Variants in GRM7 observed in about 807,000 individuals in gnomAD.
GRM7 encodes the protein glutamate metabotropic receptor 7.
In GRM7, 35 loss-of-function variants were observed where a neutral mutation model predicts 84.5. The ratio of observed to expected loss-of-function variants is 0.41; its 90% CI spans 0.32 to 0.55. GRM7 has a LOEUF of 0.55. GRM7 is among the 20% of genes least tolerant of loss of function. GRM7 has a pLI of 0.19. For missense variants in GRM7, 1,003 were observed against 1,194.6 expected (o/e 0.84, Z 2.36); for synonymous variants, 487 against 455.1 (o/e 1.07, Z -0.89).
At chr3:7,680,353 T>G (rs2125140916) in intron 9 of GRM7, 58 bp downstream of exon 9, 1 of 1,572,792 alleles carries the variant, frequency 6.4e-7, no homozygotes, top group East Asian at 2.2e-5. Flanking sequence ...CTCTAGAAGA[T>G]GTGGGGTGTG....
chr3:7,319,397 G>A (rs892180423), intron 4 of GRM7, among the ~76,000 whole-genome samples: 11 of 152,070 alleles, frequency 7.2e-5, no homozygotes, highest in Admixed American at 7.2e-4. Flanking sequence ...AGGACAAGCT[G>A]GAGAAAATGA....
At chr3:7,050,318 T>A (rs541721962) in intron 1 of GRM7, among the ~76,000 whole-genome samples, 3 of 151,882 alleles carry the variant, frequency 2.0e-5, no homozygotes, top group East Asian at 3.9e-4. Flanking sequence ...GACATCCAAC[T>A]GTTCAGTGTC....
chr3:7,076,110 AG>A (rs1276237073), intron 1 of GRM7, among the ~76,000 whole-genome samples: 1 of 152,164 alleles, frequency 6.6e-6, no homozygotes, highest in East Asian at 1.9e-4. Context: ...GGGCATGGGG[AG>A]AGTGCAAATA....
At chr3:7,281,598 A>ATT (rs56705200) in intron 2 of GRM7, among the ~76,000 whole-genome samples, 1 of 151,894 alleles carries the variant, frequency 6.6e-6, no homozygotes, top group Non-Finnish European at 1.5e-5. Context: ...AAGAAAGCAG[A>ATT]TTTTTTTTTA....
intron 2 of GRM7, among the ~76,000 whole-genome samples, chr3:7,251,073 G>C (rs1697967026): frequency 6.6e-6 from 1 of 152,162 alleles, no homozygotes; most frequent in African/African-American, 2.4e-5. Context: ...GACTTGGTTA[G>C]ATTGTGAAGT....
chr3:7,436,055 C>G (rs973291428), intron 5 of GRM7, among the ~76,000 whole-genome samples: 3 of 151,782 alleles, frequency 2.0e-5, no homozygotes, highest in Non-Finnish European at 2.9e-5. Context: ...CCATGTTGGC[C>G]AGGCTGGTCT....
intron 1 of GRM7, among the ~76,000 whole-genome samples, chr3:7,018,644 G>A (rs557670725): frequency 6.6e-6 from 1 of 152,304 alleles, no homozygotes; most frequent in South Asian, 2.1e-4. Flanking sequence ...AGCTGTTAAC[G>A]TGCACCTGAG....
intron 1 of GRM7, among the ~76,000 whole-genome samples, chr3:6,945,646 C>G (rs988455239): frequency 6.6e-6 from 1 of 152,106 alleles, no homozygotes; most frequent in African/African-American, 2.4e-5. Flanking sequence ...ACACCGACTT[C>G]CACAATGGTT....
chr3:7,145,112 A>G (rs2125065538), intron 1 of GRM7, among the ~76,000 whole-genome samples: 1 of 152,314 alleles, frequency 6.6e-6, no homozygotes, highest in African/African-American at 2.4e-5. Context: ...ATGGGTTAAT[A>G]GTGAGTAGAG....
intron 9 of GRM7, among the ~76,000 whole-genome samples, chr3:7,710,562 C>A (rs1701546749): frequency 6.6e-6 from 1 of 152,120 alleles, no homozygotes; most frequent in Non-Finnish European, 1.5e-5. Context: ...TGAGGCTCCA[C>A]TGAGTATTTC....
intron 1 of GRM7, among the ~76,000 whole-genome samples, chr3:7,077,643 C>T (rs966894318): frequency 3.3e-5 from 5 of 149,922 alleles, no homozygotes; most frequent in Non-Finnish European, 5.9e-5. Context: ...GATGGGTGCA[C>T]CAAACCACCA....
intron 7 of GRM7, among the ~76,000 whole-genome samples, chr3:7,485,094 G>C (rs1461019449): frequency 3.9e-5 from 6 of 152,112 alleles, no homozygotes; most frequent in Admixed American, 3.3e-4. Context: ...TTCCCCATTT[G>C]TTCCATGAAA....
intron 4 of GRM7, among the ~76,000 whole-genome samples, chr3:7,355,245 T>C (rs924217257): frequency 6.6e-6 from 1 of 152,160 alleles, no homozygotes; most frequent in African/African-American, 2.4e-5. Flanking sequence ...CAATGCCTAG[T>C]ACGACTATTT....
chr3:6,903,434 A>G (rs1296946297), intron 1 of GRM7, among the ~76,000 whole-genome samples: 1 of 152,118 alleles, frequency 6.6e-6, no homozygotes, highest in Non-Finnish European at 1.5e-5. Context: ...TTCATGATAT[A>G]ATTATAGTTT....
intron 2 of GRM7, among the ~76,000 whole-genome samples, chr3:7,219,951 A>G (rs1696745246): frequency 6.6e-6 from 1 of 152,222 alleles, no homozygotes; most frequent in Non-Finnish European, 1.5e-5. Flanking sequence ...TGCAGGACCA[A>G]CTAAAGGTTC....
At chr3:7,662,532 G>A (rs1699512687) in intron 8 of GRM7, among the ~76,000 whole-genome samples, 1 of 152,166 alleles carries the variant, frequency 6.6e-6, no homozygotes, top group African/African-American at 2.4e-5. Context: ...TGGGACAAAT[G>A]GAGAAATTTG....
chr3:7,299,428 G>A (rs182585731), intron 3 of GRM7, among the ~76,000 whole-genome samples: 4 of 152,092 alleles, frequency 2.6e-5, no homozygotes, highest in East Asian at 1.9e-4. Context: ...AACCTGGTCC[G>A]GAGTCCTTAT....
chr3:7,000,376 A>G (rs926048689), intron 1 of GRM7, among the ~76,000 whole-genome samples: 1 of 151,926 alleles, frequency 6.6e-6, no homozygotes, highest in African/African-American at 2.4e-5. Context: ...TAGTAGAGAC[A>G]GGATTTCACC....
intron 4 of GRM7, among the ~76,000 whole-genome samples, chr3:7,310,884 C>G (rs1700366627): frequency 6.6e-6 from 1 of 152,096 alleles, no homozygotes; most frequent in African/African-American, 2.4e-5. Context: ...TCCCTTATCC[C>G]TCTCGCATGA....
Sources: gnomAD v4.1 joint callset for allele counts (sites outside exome capture counted in the v4.1 genomes callset) on GRCh38, gnomAD v4.1.1 for gene constraint, MANE v1.5 for transcripts, NCBI Gene and HGNC (gene_info 2026-07-23, HGNC 2026-07-21) for gene names.